Variants in DOCK3 observed in about 807,000 individuals in gnomAD.
The protein encoded by DOCK3 is dedicator of cytokinesis 3.
DOCK3 carries 60 observed loss-of-function variants against 265.6 expected under a neutral mutation model. The observed-to-expected ratio is 0.23, with a 90% confidence interval of 0.18 to 0.28. The LOEUF is 0.28. DOCK3 is among the 10% of genes least tolerant of loss of function. DOCK3 has a pLI of 1.00. For missense variants in DOCK3, 1,981 were observed against 2,594.3 expected (o/e 0.76, Z 5.14); for synonymous variants, 881 against 938.0 (o/e 0.94, Z 1.11).
At chr3:51,265,066 A>G (rs948966579) in intron 23 of DOCK3, among the ~76,000 whole-genome samples, 14 of 152,154 alleles carry the variant, frequency 9.2e-5, no homozygotes, top group Admixed American at 2.6e-4. Flanking sequence ...AGAGAATACT[A>G]TAAACACCTC....
intron 27 of DOCK3, among the ~76,000 whole-genome samples, chr3:51,306,899 G>A (rs2082717179): frequency 1.3e-5 from 2 of 152,086 alleles, no homozygotes; most frequent in Non-Finnish European, 2.9e-5. Flanking sequence ...GCTACCTCAG[G>A]AAAAGTTTTT....
At chr3:51,026,698 T>G (rs2079839952) in intron 5 of DOCK3, among the ~76,000 whole-genome samples, 1 of 152,146 alleles carries the variant, frequency 6.6e-6, no homozygotes, top group Non-Finnish European at 1.5e-5. Flanking sequence ...AATTTCTTCC[T>G]GGTTCAGTCT....
intron 23 of DOCK3, among the ~76,000 whole-genome samples, chr3:51,262,525 C>A (rs2079914255): frequency 6.6e-6 from 1 of 152,192 alleles, no homozygotes; most frequent in African/African-American, 2.4e-5. Context: ...CAGAGGATCA[C>A]AACTCCTAGC....
At chr3:50,786,810 T>C (rs1304314612) in intron 2 of DOCK3, 26 of 740,142 alleles carry the variant, frequency 3.5e-5, no homozygotes, top group Non-Finnish European at 6.4e-5. Flanking sequence ...TGGATGCTCA[T>C]GTGGGTGTGT....
At chr3:50,687,688 A>G (rs764053222) in intron 1 of DOCK3, among the ~76,000 whole-genome samples, 2 of 152,248 alleles carry the variant, frequency 1.3e-5, no homozygotes, top group Non-Finnish European at 2.9e-5. Flanking sequence ...GACACCGTGC[A>G]TAGACTTACA....
intron 2 of DOCK3, among the ~76,000 whole-genome samples, chr3:50,834,341 C>A (rs1466883172): frequency 6.6e-6 from 1 of 152,058 alleles, no homozygotes; most frequent in Non-Finnish European, 1.5e-5. Flanking sequence ...ATTAAAGCCA[C>A]AATTGACTAT....
chr3:51,031,004 T>C (rs1249359544), intron 5 of DOCK3, among the ~76,000 whole-genome samples: 6 of 152,210 alleles, frequency 3.9e-5, no homozygotes, highest in African/African-American at 1.4e-4. Flanking sequence ...TTGAAAACTC[T>C]TTAACTTCAA....
At chr3:51,254,289 A>C (rs1165706412) in intron 22 of DOCK3, among the ~76,000 whole-genome samples, 1 of 152,190 alleles carries the variant, frequency 6.6e-6, no homozygotes, top group Non-Finnish European at 1.5e-5. Flanking sequence ...ACTTCCAACT[A>C]TGTGGTCAAT....
intron 5 of DOCK3, among the ~76,000 whole-genome samples, chr3:50,969,915 A>G (rs551145731): frequency 6.6e-6 from 1 of 152,238 alleles, no homozygotes; most frequent in African/African-American, 2.4e-5. Context: ...CTAAAAATAC[A>G]AAAAAACTTA....
At chr3:51,317,017 C>T (rs1224257236) in intron 32 of DOCK3, among the ~76,000 whole-genome samples, 1 of 151,932 alleles carries the variant, frequency 6.6e-6, no homozygotes, top group African/African-American at 2.4e-5. Flanking sequence ...GGGTCATACC[C>T]CAAGAACTTT....
At chr3:50,824,717 C>G (rs1473247069) in intron 2 of DOCK3, among the ~76,000 whole-genome samples, 1 of 152,182 alleles carries the variant, frequency 6.6e-6, no homozygotes, top group Non-Finnish European at 1.5e-5. Context: ...GCATGACTTT[C>G]TGATGCCTTA....
At chr3:51,293,519 G>A (rs1462872412) in intron 27 of DOCK3, among the ~76,000 whole-genome samples, 3 of 152,198 alleles carry the variant, frequency 2.0e-5, no homozygotes. Flanking sequence ...GCTACTAGAA[G>A]AAAACATAGG....
intron 9 of DOCK3, among the ~76,000 whole-genome samples, chr3:51,093,578 T>G (rs1037927387): frequency 1.3e-5 from 2 of 152,250 alleles, no homozygotes; most frequent in African/African-American, 4.8e-5. Context: ...AAGGAGATTT[T>G]GGGCTGAGAC....
rs572651371 is a variant in DOCK3 at position 51,267,195 on chromosome 3, T to C, written c.2356-3620T>C. On this transcript the variant is annotated intron_variant, in intron 23 of 52. Transcript: ENST00000266037. ...AGATGCTGGAGAGGATGTGGAGAAA[T>C]AGGAATGCTTTTACACTGTTGGTGG... 3.3e-4 allele frequency among the ~76,000 whole-genome samples: 50 copies of C among 152,178 alleles called. No individual in the cohort carries two copies. The South Asian group carries it at 5.2e-3, about 16-fold the overall frequency.
At chr3:50,836,608 G>A (rs549884535) in intron 2 of DOCK3, among the ~76,000 whole-genome samples, 21 of 152,262 alleles carry the variant, frequency 1.4e-4, no homozygotes, top group African/African-American at 3.9e-4. Context: ...CCTCCTAGGC[G>A]TCTGGGCCTG....
At chr3:51,220,863 G>C (rs576060744) in intron 14 of DOCK3, among the ~76,000 whole-genome samples, 1 of 151,870 alleles carries the variant, frequency 6.6e-6, no homozygotes, top group Admixed American at 6.6e-5. Context: ...CATTATTTCT[G>C]CTGGGATGGA....
chr3:50,875,941 G>A (rs1431177215), intron 3 of DOCK3, among the ~76,000 whole-genome samples: 4 of 151,374 alleles, frequency 2.6e-5, no homozygotes, highest in African/African-American at 7.3e-5. Flanking sequence ...ATGATATATT[G>A]AACAAGAACA....
chr3:51,203,011 C>T (rs1191038810), intron 12 of DOCK3, among the ~76,000 whole-genome samples: 1 of 152,116 alleles, frequency 6.6e-6, no homozygotes, highest in African/African-American at 2.4e-5. Flanking sequence ...ATTGATGGGA[C>T]CTATCTCAAA....
intron 3 of DOCK3, among the ~76,000 whole-genome samples, chr3:50,866,004 C>A (rs563866135): frequency 6.6e-6 from 1 of 151,712 alleles, no homozygotes; most frequent in Non-Finnish European, 1.5e-5. Flanking sequence ...TCAGATTATT[C>A]GATTTTTTTC....
Sources: allele counts gnomAD v4.1 joint callset (sites outside exome capture counted in the v4.1 genomes callset), GRCh38; gene constraint gnomAD v4.1.1; transcripts MANE v1.5; gene names NCBI Gene and HGNC (gene_info 2026-07-23, HGNC 2026-07-21).